The following NEK1 variants were observed in gnomAD, a reference collection of about 807,000 sequenced individuals.
The protein encoded by NEK1 is serine/threonine-protein kinase Nek1.
NEK1 carries 137 observed loss-of-function variants against 182.1 expected under a neutral mutation model. The ratio of observed to expected loss-of-function variants is 0.75; its 90% CI spans 0.65 to 0.87. The LOEUF (loss-of-function observed/expected upper bound fraction) is 0.87, where lower values mean the gene tolerates loss of function less well. NEK1 is among the 40% of genes least tolerant of loss of function. The pLI, the probability that NEK1 is intolerant of heterozygous loss-of-function variation, is 0.00. For missense variants in NEK1, 1,391 were observed against 1,494.4 expected, an observed-to-expected ratio of 0.93 and a Z score of 1.14; for synonymous variants, 513 against 492.2, an observed-to-expected ratio of 1.04 and a Z score of -0.56.
chr4:169,514,183 T>C (rs1431375262), intron 19 of NEK1, among the ~76,000 whole-genome samples: 1 of 152,110 alleles, frequency 6.6e-6, no homozygotes, highest in Non-Finnish European at 1.5e-5. Flanking sequence ...AGACAGGGTT[T>C]CACCATGTTA....
At chr4:169,577,267 T>C (rs1240952909) in intron 11 of NEK1, among the ~76,000 whole-genome samples, 188 bp from the exon 12 acceptor site, 1 of 152,120 alleles carries the variant, frequency 6.6e-6, no homozygotes, top group Non-Finnish European at 1.5e-5. Flanking sequence ...AAGTCACTTT[T>C]TGACAGAAGC....
At chr4:169,566,310 T>C (rs2149972202) in intron 12 of NEK1, among the ~76,000 whole-genome samples, 1 of 152,332 alleles carries the variant, frequency 6.6e-6, no homozygotes. Context: ...ATATAAGATA[T>C]TCAAATATTT....
chr4:169,488,766 G>A (rs1749511060), intron 23 of NEK1, among the ~76,000 whole-genome samples: 1 of 152,074 alleles, frequency 6.6e-6, no homozygotes, highest in African/African-American at 2.4e-5. Context: ...CGGTCAATGA[G>A]TAAAGATAGA....
intron 31 of NEK1, among the ~76,000 whole-genome samples, chr4:169,411,286 ATTT>A (rs869305455): frequency 2.2e-5 from 3 of 138,250 alleles, no homozygotes; most frequent in Non-Finnish European, 1.6e-5. Flanking sequence ...ATCTGACTCT[ATTT>A]TTTTTTTTTT....
intron 3 of NEK1, 98 bp from the exon 4 acceptor site, chr4:169,602,202 A>G (rs1257043519): frequency 8.6e-6 from 7 of 818,282 alleles, no homozygotes; most frequent in Admixed American, 2.1e-5. Context: ...TAGTATTAAT[A>G]CAGTTCAATC....
intron 23 of NEK1, among the ~76,000 whole-genome samples, chr4:169,488,086 T>C (rs1749371235): frequency 6.6e-6 from 1 of 152,148 alleles, no homozygotes; most frequent in Non-Finnish European, 1.5e-5. Context: ...CTTTGTCAGA[T>C]GGATAGATTG....
Position 169,400,290 on chromosome 4 carries a change from T to G in NEK1, c.3782A>C (p.Asn1261Thr). ...CSKIVQNILG[N>T]EHQHLYAKIL... ...CTTGGCATAAAGATGCTGATGTTCA[T>G]TTCCCAAAATATTTTGAACTATTTT... Residue 1261 changes from asparagine (N) to threonine (T), a missense_variant, in exon 35 of 36, where the codon AAT (asparagine) becomes ACT (threonine). Asn to Thr is a moderately conservative substitution (Grantham distance 65, BLOSUM62 0). This residue lies in a region of NEK1 where 1,216 missense variants were observed against 1,277.6 expected (regional missense o/e 0.95). Coordinates refer to ENST00000507142, the MANE Select transcript of NEK1 (RefSeq NM_001199397.3). The G allele has an allele frequency of 6.4e-7, 1 of 1,561,160 alleles. No individual in the cohort carries two copies.
chr4:169,552,209 T>C (rs997248421), intron 18 of NEK1, among the ~76,000 whole-genome samples: 17 of 152,072 alleles, frequency 1.1e-4, no homozygotes, highest in Non-Finnish European at 2.2e-4. Flanking sequence ...CATTTCCTTA[T>C]AAGTGATTAC....
chr4:169,456,262 G>C (rs1024303368), intron 27 of NEK1, among the ~76,000 whole-genome samples: 1 of 152,042 alleles, frequency 6.6e-6, no homozygotes, highest in Admixed American at 6.5e-5. Context: ...CACCAAAAAA[G>C]AGGAAAAACT....
intron 2 of NEK1, among the ~76,000 whole-genome samples, chr4:169,610,994 T>A (rs1772231750): frequency 6.6e-6 from 1 of 152,236 alleles, no homozygotes; most frequent in Non-Finnish European, 1.5e-5. Flanking sequence ...AAATGGAATT[T>A]CTATTAGACT....
chr4:169,612,081 T>C lies in NEK1; in HGVS notation c.-110A>G, dbSNP rs1772411506. 6.6e-6 allele frequency: 1 copy of C among 152,236 alleles called. No homozygotes were observed. Among genetic ancestry groups the C allele is most frequent in the African/African-American group, 2.4e-5 (1 of 41,444 alleles). The allele number at this position is 152,236 out of a possible 1,614,324, so 9.4% of individuals were successfully genotyped here. On this transcript the variant is annotated 5_prime_UTR_variant, in exon 2 of 36. Transcript: ENST00000507142. ...TGACTAATAAGCATCAGTCTAGGTG[T>C]GGCAGTCTTCCTACGGGGCTTAATA...
intron 26 of NEK1, among the ~76,000 whole-genome samples, chr4:169,472,342 C>T (rs1177568157): frequency 1.3e-5 from 2 of 152,022 alleles, no homozygotes; most frequent in Non-Finnish European, 2.9e-5. Flanking sequence ...CAGATAGCAC[C>T]GTCCCTCACG....
intron 16 of NEK1, among the ~76,000 whole-genome samples, chr4:169,557,980 G>C (rs1762391634): frequency 6.6e-6 from 1 of 151,970 alleles, no homozygotes. Flanking sequence ...AAAGAAAAAT[G>C]TCAGAATCCA....
chr4:169,480,576 G>A (rs180727199), intron 23 of NEK1, among the ~76,000 whole-genome samples: 3 of 151,274 alleles, frequency 2.0e-5, no homozygotes, highest in Admixed American at 1.3e-4. Context: ...TTATTTTGCT[G>A]GTGGAGGGTC....
At chr4:169,501,613 C>A (rs1354899914) in intron 23 of NEK1, among the ~76,000 whole-genome samples, 1 of 152,060 alleles carries the variant, frequency 6.6e-6, no homozygotes, top group Non-Finnish European at 1.5e-5. Flanking sequence ...CAAAGCCACA[C>A]AAATACATGG....
At chr4:169,572,395 A>G (rs1275863568) in intron 12 of NEK1, among the ~76,000 whole-genome samples, 1 of 152,206 alleles carries the variant, frequency 6.6e-6, no homozygotes, top group Non-Finnish European at 1.5e-5. Context: ...TGAAATAAGT[A>G]AGATCAATTT....
intron 7 of NEK1, 89 bp from the exon 8 acceptor site, chr4:169,588,824 A>G: frequency 5.1e-6 from 4 of 785,666 alleles, no homozygotes; most frequent in Non-Finnish European, 8.8e-6. Flanking sequence ...GATCGCATAT[A>G]TGATGCTGGT....
At chr4:169,512,042 G>GT (rs938754817) in intron 19 of NEK1, among the ~76,000 whole-genome samples, 1 of 151,966 alleles carries the variant, frequency 6.6e-6, no homozygotes, top group Non-Finnish European at 1.5e-5. Flanking sequence ...GTAGTTTTAA[G>GT]TTTTTTTGCT....
intron 23 of NEK1, among the ~76,000 whole-genome samples, chr4:169,484,086 T>C (rs886693609): frequency 6.6e-6 from 1 of 152,330 alleles, no homozygotes; most frequent in Middle Eastern, 3.4e-3. Context: ...AACAAATATG[T>C]TATTTCTCTA....
Sources: gnomAD v4.1 joint callset for allele counts (sites outside exome capture counted in the v4.1 genomes callset) on GRCh38, gnomAD v4.1.1 for gene constraint, gnomAD v4.1.1 regional missense constraint, MANE v1.5 for transcripts, NCBI Gene and HGNC (gene_info 2026-07-23, HGNC 2026-07-21) for gene names.